The following CDC42SE2 variants were observed in gnomAD, a reference collection of about 807,000 sequenced individuals.
CDC42SE2 encodes the protein CDC42 small effector protein 2.
CDC42SE2 carries 3 observed loss-of-function variants against 11.5 expected under a neutral mutation model. The observed-to-expected ratio is 0.26, with a 90% CI of 0.12 to 0.67. The LOEUF (loss-of-function observed/expected upper bound fraction) is 0.67, where lower values mean the gene tolerates loss of function less well. CDC42SE2 is among the 30% of genes least tolerant of loss of function. CDC42SE2 has a pLI of 0.80. For synonymous variants in CDC42SE2, 33 were observed against 34.8 expected, an observed-to-expected ratio of 0.95 and a Z score of 0.18; for missense variants, 82 against 106.8, an observed-to-expected ratio of 0.77 and a Z score of 1.02.
At chr5:131,329,878 T>TAAAAAAAAAAA (rs1758379929) in intron 2 of CDC42SE2, among the ~76,000 whole-genome samples, 1 of 9,640 alleles carries the variant, frequency 1.0e-4, no homozygotes. Context: ...AAACTCCATC[T>TAAAAAAAAAAA]CAAAAAAAAA....
intron 1 of CDC42SE2, among the ~76,000 whole-genome samples, chr5:131,282,275 C>T (rs1757251282): frequency 6.6e-6 from 1 of 152,190 alleles, no homozygotes; most frequent in Admixed American, 6.5e-5. Context: ...AGAGAAGTCA[C>T]TTTTAAAGGC....
At chr5:131,278,713 TCCCCTCCCCTC>T (rs1757159136) in intron 1 of CDC42SE2, among the ~76,000 whole-genome samples, 1 of 32,188 alleles carries the variant, frequency 3.1e-5, no homozygotes, top group Non-Finnish European at 6.0e-5. Flanking sequence ...TCCTTTCCTC[TCCCCTCCCCTC>T]CCCCCTCCCC....
intron 1 of CDC42SE2, among the ~76,000 whole-genome samples, chr5:131,282,958 A>G (rs1187956735): frequency 2.1e-5 from 2 of 93,440 alleles, no homozygotes; most frequent in Admixed American, 1.4e-4. Context: ...ATGGAGGTTC[A>G]CTCTTGTTGC....
chr5:131,238,315 G>A, the CDC42SE2 span, among the ~76,000 whole-genome samples: 2 of 151,970 alleles, frequency 1.3e-5, no homozygotes, highest in African/African-American at 4.8e-5. Flanking sequence ...GGCTAACACG[G>A]TGAAAACCCG....
intron 2 of CDC42SE2, among the ~76,000 whole-genome samples, chr5:131,347,988 C>T (rs986026745): frequency 6.6e-6 from 1 of 152,120 alleles, no homozygotes; most frequent in Non-Finnish European, 1.5e-5. Flanking sequence ...ATTGATGGGA[C>T]GTATCTCAAA....
chr5:131,308,164 G>T (rs1475131945), intron 1 of CDC42SE2, among the ~76,000 whole-genome samples: 2 of 152,078 alleles, frequency 1.3e-5, no homozygotes, highest in African/African-American at 2.4e-5. Context: ...TCTACATAAG[G>T]CTAGCCAGTT....
intron 2 of CDC42SE2, among the ~76,000 whole-genome samples, chr5:131,343,630 T>A (rs1758764576): frequency 6.6e-6 from 1 of 151,238 alleles, no homozygotes; most frequent in Non-Finnish European, 1.5e-5. Flanking sequence ...GGAGAATTGC[T>A]GGAACCCAGG....
chr5:131,369,413 C>T (rs567990708), intron 3 of CDC42SE2, among the ~76,000 whole-genome samples: 1 of 152,192 alleles, frequency 6.6e-6, no homozygotes, highest in South Asian at 2.1e-4. Context: ...AACATGTGCC[C>T]AAGTTTTTCT....
intron 1 of CDC42SE2, among the ~76,000 whole-genome samples, chr5:131,277,065 T>C (rs1757116704): frequency 1.3e-5 from 2 of 152,132 alleles, no homozygotes; most frequent in South Asian, 4.1e-4. Context: ...AAAAAGCCTG[T>C]TTACATACCA....
chr5:131,335,208 C>G (rs1227704758), intron 2 of CDC42SE2, among the ~76,000 whole-genome samples: 1 of 152,118 alleles, frequency 6.6e-6, no homozygotes, highest in Non-Finnish European at 1.5e-5. Context: ...TTATTTCTGC[C>G]TTCATTTCAT....
chr5:131,259,347 A>G (rs1756704718), upstream of CDC42SE2, among the ~76,000 whole-genome samples: 1 of 152,194 alleles, frequency 6.6e-6, no homozygotes, highest in East Asian at 1.9e-4. Context: ...TGTTTCTTGG[A>G]GTATGCCTGT....
At chr5:131,312,623 C>T (rs1371372764) in intron 1 of CDC42SE2, among the ~76,000 whole-genome samples, 1 of 152,204 alleles carries the variant, frequency 6.6e-6, no homozygotes, top group African/African-American at 2.4e-5. Context: ...CCGAGCCAGG[C>T]GCGGGATATA....
At chr5:131,377,987 G>A (rs1750205156) in intron 3 of CDC42SE2, among the ~76,000 whole-genome samples, 1 of 152,178 alleles carries the variant, frequency 6.6e-6, no homozygotes, top group African/African-American at 2.4e-5. Flanking sequence ...ATTGTCTACT[G>A]TGTGTCAGGC....
intron 1 of CDC42SE2, among the ~76,000 whole-genome samples, chr5:131,248,583 T>C (rs1294031768): frequency 6.6e-6 from 1 of 152,200 alleles, no homozygotes; most frequent in African/African-American, 2.4e-5. Context: ...TATGATTCTT[T>C]ACCTAGAAAA....
At chr5:131,332,065 C>T (rs1418699817) in intron 2 of CDC42SE2, among the ~76,000 whole-genome samples, 3 of 152,084 alleles carry the variant, frequency 2.0e-5, no homozygotes, top group African/African-American at 2.4e-5. Context: ...GTGCTGCACC[C>T]ATTAACTTAT....
At chr5:131,381,827 A>G (rs1028078216) in intron 3 of CDC42SE2, among the ~76,000 whole-genome samples, 2 of 152,142 alleles carry the variant, frequency 1.3e-5, no homozygotes, top group African/African-American at 2.4e-5. Flanking sequence ...AACACTTTCA[A>G]TTATTTCCCA....
chr5:131,366,055 A>T (rs1749847231), intron 3 of CDC42SE2, among the ~76,000 whole-genome samples: 1 of 152,180 alleles, frequency 6.6e-6, no homozygotes, highest in Admixed American at 6.5e-5. Flanking sequence ...ATCATAGAAG[A>T]CTGATTCAAA....
chr5:131,299,978 C>T (rs577907638), intron 1 of CDC42SE2, among the ~76,000 whole-genome samples: 1 of 152,286 alleles, frequency 6.6e-6, no homozygotes, highest in Admixed American at 6.5e-5. Context: ...CTCAAATGGT[C>T]TATCCTACCC....
intron 2 of CDC42SE2, among the ~76,000 whole-genome samples, chr5:131,329,755 T>C (rs1758376682): frequency 6.6e-6 from 1 of 151,266 alleles, no homozygotes; most frequent in Non-Finnish European, 1.5e-5. Context: ...GGTGGGCCCC[T>C]GTAATCCCAG....
Sources: allele counts gnomAD v4.1 joint callset (sites outside exome capture counted in the v4.1 genomes callset), GRCh38; gene constraint gnomAD v4.1.1; transcripts MANE v1.5; gene names NCBI Gene and HGNC (gene_info 2026-07-23, HGNC 2026-07-21).